The following SGMS1 variants were observed in gnomAD, a reference collection of about 807,000 sequenced individuals.
The protein encoded by SGMS1 is sphingomyelin synthase 1, also known as phosphatidylcholine:ceramide cholinephosphotransferase 1.
A neutral mutation model predicts 46.2 loss-of-function variants in SGMS1; 13 were observed. The observed-to-expected ratio is 0.28, with a 90% CI of 0.18 to 0.45. The LOEUF is 0.45. Among genes scored for constraint, SGMS1 ranks in the 20% least tolerant of loss-of-function variants. SGMS1 has a pLI of 1.00. For synonymous variants in SGMS1, 203 were observed against 187.8 expected (o/e 1.08, Z -0.66); for missense variants, 324 against 519.9 (o/e 0.62, Z 3.66).
Position 50,344,255 on chromosome 10 carries a change from C to CA in SGMS1, c.-142dup, listed in dbSNP as rs1847876679. Reference sequence around the variant, plus strand: ...GCAGAGACTTGTTTGGCAAGATGGTCAGGGCAGTTTTTAAACACCTCATGT... The same window carrying CA: ...GCAGAGACTTGTTTGGCAAGATGGTCAAGGGCAGTTTTTAAACACCTCATGT... On this transcript the variant is annotated 5_prime_UTR_variant, in exon 7 of 11. The change creates a premature stop within an existing upstream ORF in the 5' untranslated region. Transcript: ENST00000361781. 1.7e-6 allele frequency: 2 copies of CA among 1,187,880 alleles called. No homozygotes were observed. Among genetic ancestry groups the CA allele is most frequent in the Admixed American group, 2.7e-5 (1 of 36,936 alleles). 73.6% of individuals were successfully genotyped at this position (1,187,880 alleles called of 1,614,324 possible). A position where few individuals can be genotyped will look rare whatever the true frequency, so the allele number is the denominator to read the frequency against.
chr10:50,559,008 C>T (rs1588876664), intron 2 of SGMS1, among the ~76,000 whole-genome samples: 1 of 152,064 alleles, frequency 6.6e-6, no homozygotes, highest in Non-Finnish European at 1.5e-5. Context: ...GTGCCTCTAA[C>T]GCCTATGTTG....
At chr10:50,622,988 G>A (rs1329941212) in intron 1 of SGMS1, among the ~76,000 whole-genome samples, 1 of 152,220 alleles carries the variant, frequency 6.6e-6, no homozygotes, top group South Asian at 2.1e-4. Flanking sequence ...GTCCAGTTCT[G>A]GGCTGCGCCG....
In SGMS1 at chr10:50,464,889, CA is replaced by C. The variant is rs749763581; in HGVS notation, c.-455+2000del. On this transcript the variant is annotated intron_variant, in intron 4 of 10. Transcript: ENST00000361781. ...GATCCTCTCCCTCACCTGGTAGAGC[CA>C]AACAAACCATCCCTACTCCTATAAG... is the stretch of plus-strand genomic sequence containing the variant. 6.6e-5 allele frequency among the ~76,000 whole-genome samples: 10 copies of C among 152,300 alleles called. No homozygotes were observed. In the East Asian group the frequency reaches 1.7e-3, roughly 26 times the overall value.
At chr10:50,397,630 T>C (rs1343893274) in intron 6 of SGMS1, among the ~76,000 whole-genome samples, 1 of 152,206 alleles carries the variant, frequency 6.6e-6, no homozygotes, top group African/African-American at 2.4e-5. Flanking sequence ...TTATCTCTTC[T>C]GGATAAGCAT....
intron 2 of SGMS1, among the ~76,000 whole-genome samples, chr10:50,571,617 C>T (rs76192481): frequency 0.012 from 1,831 of 152,154 alleles, 35 homozygotes; most frequent in African/African-American, 0.042. Context: ...GTGTATTTAA[C>T]GCATACTATG....
chr10:50,560,936 C>CT (rs1838231272), intron 2 of SGMS1, among the ~76,000 whole-genome samples: 1 of 152,114 alleles, frequency 6.6e-6, no homozygotes, highest in Non-Finnish European at 1.5e-5. Flanking sequence ...AAAAGTCCTG[C>CT]TGTGTGTCTT....
Position 50,331,012 on chromosome 10 carries a change from G to C in SGMS1, c.624-3690C>G, listed in dbSNP as rs143236669. 8.6e-4 allele frequency among the ~76,000 whole-genome samples: 131 copies of C among 152,202 alleles called. 2 individuals are homozygous for C. Among genetic ancestry groups the C allele is most frequent in the African/African-American group, 2.8e-3 (115 of 41,530 alleles). On this transcript the variant is annotated intron_variant, in intron 7 of 10. Coordinates refer to ENST00000361781, the MANE Select transcript of SGMS1 (RefSeq NM_147156.4). ...AAAGACATCACTTTCTTATGAATCA[G>C]AGAAATGGGTGACAAAAAAACTGGA...
At chr10:50,564,274 G>A (rs1838268957) in intron 2 of SGMS1, among the ~76,000 whole-genome samples, 1 of 152,242 alleles carries the variant, frequency 6.6e-6, no homozygotes, top group African/African-American at 2.4e-5. Flanking sequence ...TCATGACTGG[G>A]AATGGGCAGA....
intron 5 of SGMS1, among the ~76,000 whole-genome samples, chr10:50,452,797 C>T (rs1250788911): frequency 2.0e-5 from 3 of 152,188 alleles, no homozygotes; most frequent in Non-Finnish European, 4.4e-5. Flanking sequence ...AAACTTGCTA[C>T]ACCAAAAGAG....
At chr10:50,409,611 T>C (rs1916572) in intron 6 of SGMS1, among the ~76,000 whole-genome samples, 25,198 of 152,262 alleles carry the variant, frequency 0.17, 2,567 homozygotes, top group East Asian at 0.26. Context: ...TACTTGGACA[T>C]AATCAAAATA....
At chr10:50,493,551 T>G (rs1045001711) in intron 3 of SGMS1, among the ~76,000 whole-genome samples, 23 of 152,070 alleles carry the variant, frequency 1.5e-4, no homozygotes, top group African/African-American at 5.5e-4. Flanking sequence ...ATAGGAGAAA[T>G]TTTTTGCAAA....
chr10:50,593,652 T>C (rs1838563390), intron 1 of SGMS1, among the ~76,000 whole-genome samples: 1 of 152,204 alleles, frequency 6.6e-6, no homozygotes, highest in African/African-American at 2.4e-5. Flanking sequence ...TTGCCACATA[T>C]GTGCTATCAA....
chr10:50,503,964 T>A (rs1179757210), intron 3 of SGMS1, among the ~76,000 whole-genome samples: 1 of 152,188 alleles, frequency 6.6e-6, no homozygotes, highest in East Asian at 1.9e-4. Flanking sequence ...GCTAGCTGAG[T>A]GATTTACGCT....
chr10:50,575,095 T>C lies in SGMS1; in HGVS notation c.-589+15058A>G, dbSNP rs369116208. ...AATAAGTCAGTCACAGAAGGACAAA[T>C]ACTACATGATTACCAGGGAACGGGG... On this transcript the variant is annotated intron_variant, in intron 2 of 10. Coordinates refer to ENST00000361781, the MANE Select transcript of SGMS1 (RefSeq NM_147156.4). Among the ~76,000 whole-genome samples, 5 of 151,326 alleles carry C rather than the reference T, an allele frequency of 3.3e-5. No homozygotes were observed. In the East Asian group the frequency reaches 7.8e-4, roughly 24 times the overall value.
chr10:50,315,132 CCAAAT>C (rs1305185380), intron 8 of SGMS1, among the ~76,000 whole-genome samples: 1 of 152,042 alleles, frequency 6.6e-6, no homozygotes, highest in African/African-American at 2.4e-5. Flanking sequence ...CAGCTGTTTA[CCAAAT>C]TATTTAAAAA....
intron 3 of SGMS1, among the ~76,000 whole-genome samples, chr10:50,489,745 G>A (rs1054286318): frequency 2.6e-5 from 4 of 152,176 alleles, no homozygotes; most frequent in Admixed American, 6.5e-5. Flanking sequence ...GGAGGCTAAG[G>A]TGGGTAGATC....
chr10:50,491,209 C>T (rs1837565054), intron 3 of SGMS1, among the ~76,000 whole-genome samples: 1 of 152,010 alleles, frequency 6.6e-6, no homozygotes, highest in Admixed American at 6.6e-5. Flanking sequence ...AAGAATACAG[C>T]TGGGCATGGC....
chr10:50,471,255 G>T (rs1231903790), intron 3 of SGMS1, among the ~76,000 whole-genome samples: 1 of 152,102 alleles, frequency 6.6e-6, no homozygotes, highest in Non-Finnish European at 1.5e-5. Context: ...AAAAGAAGAG[G>T]TACTTTATCC....
intron 2 of SGMS1, among the ~76,000 whole-genome samples, chr10:50,520,966 G>A (rs1407711055): frequency 6.6e-6 from 1 of 151,678 alleles, no homozygotes; most frequent in Admixed American, 6.6e-5. Context: ...GCTCACTGCA[G>A]CCCATGGGCT....
Sources: allele counts gnomAD v4.1 joint callset (sites outside exome capture counted in the v4.1 genomes callset), GRCh38; gene constraint gnomAD v4.1.1; transcripts MANE v1.5; gene names NCBI Gene and HGNC (gene_info 2026-07-23, HGNC 2026-07-21).